Variants in PDGFD observed in about 807,000 individuals in gnomAD.
The protein encoded by PDGFD is platelet derived growth factor D.
PDGFD carries 30 observed loss-of-function variants against 44.7 expected under a neutral mutation model. The ratio of observed to expected loss-of-function variants is 0.67; its 90% CI spans 0.50 to 0.91. PDGFD has a LOEUF of 0.91. PDGFD is among the 40% of genes least tolerant of loss of function. The pLI, the probability that PDGFD is intolerant of heterozygous loss-of-function variation, is 0.00. For missense variants in PDGFD, 445 were observed against 457.8 expected, an observed-to-expected ratio of 0.97 and a Z score of 0.25; for synonymous variants, 173 against 168.4, an observed-to-expected ratio of 1.03 and a Z score of -0.21.
intron 6 of PDGFD, among the ~76,000 whole-genome samples, chr11:103,912,326 C>A (rs1045920724): frequency 6.6e-6 from 1 of 152,146 alleles, no homozygotes; most frequent in Non-Finnish European, 1.5e-5. Context: ...GCCAATATTC[C>A]ACATTCTTAA....
intron 1 of PDGFD, among the ~76,000 whole-genome samples, chr11:104,035,832 C>G (rs1042718761): frequency 6.6e-6 from 1 of 152,146 alleles, no homozygotes; most frequent in Non-Finnish European, 1.5e-5. Context: ...CTGGAAGATG[C>G]TCATCCTTCA....
At chr11:103,926,588 CTCTT>C (rs1858318910) in intron 6 of PDGFD, among the ~76,000 whole-genome samples, 1 of 152,146 alleles carries the variant, frequency 6.6e-6, no homozygotes. Context: ...CATCATATTT[CTCTT>C]TTTTTCTGTC....
In PDGFD at chr11:104,102,472, T is replaced by G. The variant is rs1861402443; in HGVS notation, c.124+61332A>C. Among the ~76,000 whole-genome samples, 4 of 152,300 alleles carry G rather than the reference T, an allele frequency of 2.6e-5. No homozygotes were observed. In the South Asian group the frequency reaches 8.3e-4, roughly 32 times the overall value. On this transcript the variant is annotated intron_variant, in intron 1 of 6. Coordinates refer to ENST00000393158, the MANE Select transcript of PDGFD (RefSeq NM_025208.5). ...TGGAGAAATAGGAACACTTTTACACTGTTGGTGGGACTGTAAACTAGTTCA... is the reference window on the plus strand; with the variant it reads ...TGGAGAAATAGGAACACTTTTACACGGTTGGTGGGACTGTAAACTAGTTCA...
At chr11:104,022,708 T>C (rs1859979712) in intron 1 of PDGFD, among the ~76,000 whole-genome samples, 1 of 150,044 alleles carries the variant, frequency 6.7e-6, no homozygotes, top group Non-Finnish European at 1.5e-5. Flanking sequence ...TATATATGTA[T>C]ATCTCAATAT....
At chr11:104,068,634 T>C (rs1024134481) in intron 1 of PDGFD, among the ~76,000 whole-genome samples, 1 of 152,214 alleles carries the variant, frequency 6.6e-6, no homozygotes, top group Non-Finnish European at 1.5e-5. Context: ...CCAATACTGA[T>C]TAATTCATTA....
At chr11:104,081,999 G>C (rs7935739) in intron 1 of PDGFD, among the ~76,000 whole-genome samples, 34,225 of 151,576 alleles carry the variant, frequency 0.23, 4,267 homozygotes, top group Non-Finnish European at 0.28. Context: ...AATAAATAAT[G>C]GACTTGGTGT....
intron 1 of PDGFD, among the ~76,000 whole-genome samples, chr11:104,052,257 C>A (rs1054997151): frequency 2.0e-5 from 3 of 152,094 alleles, no homozygotes; most frequent in Non-Finnish European, 4.4e-5. Flanking sequence ...TAAAGTATGA[C>A]AAGGACATTC....
chr11:104,119,626 ATAT>A (rs1387444913), intron 1 of PDGFD, among the ~76,000 whole-genome samples: 1 of 75,040 alleles, frequency 1.3e-5, no homozygotes, highest in Non-Finnish European at 2.3e-5. Flanking sequence ...ATTATGTATT[ATAT>A]TAATATATAA....
Position 104,037,302 on chromosome 11 carries a change from CAA to C in PDGFD, c.125-37049_125-37048del, listed in dbSNP as rs1860263523. 4 of 1,613,586 alleles carry C rather than the reference CAA, an allele frequency of 2.5e-6. No homozygotes were observed. In the African/African-American group the frequency reaches 4.0e-5, roughly 16 times the overall value. On this transcript the variant is annotated intron_variant, in intron 1 of 6. Transcript: ENST00000393158. ...CCAACCCCCACGATCTGTCCCTGCT[CAA>C]GGAACGCAACCCTCCCTTGGCGGAA...
intron 3 of PDGFD, among the ~76,000 whole-genome samples, chr11:103,951,126 T>C (rs971702586): frequency 6.6e-6 from 1 of 152,118 alleles, no homozygotes; most frequent in Admixed American, 6.5e-5. Flanking sequence ...TATCTTCTCT[T>C]AGCAATACAA....
intron 5 of PDGFD, among the ~76,000 whole-genome samples, chr11:103,940,894 T>C (rs1858573596): frequency 6.6e-6 from 1 of 152,168 alleles, no homozygotes; most frequent in Non-Finnish European, 1.5e-5. Context: ...TCACCTTGAA[T>C]GCTCTTGCAA....
At position 103,986,702 on chromosome 11, in the gene PDGFD, G is replaced by A. The variant is rs75461291; in HGVS notation, c.510+9363C>T. Among the ~76,000 whole-genome samples the A allele has an allele frequency of 1.1e-4, 17 of 152,252 alleles. No homozygotes were observed. In the East Asian group the frequency reaches 2.9e-3, roughly 26 times the overall value. On this transcript the variant is annotated intron_variant, in intron 3 of 6. Transcript: ENST00000393158. Reference sequence around the variant, plus strand: ...TTTAGTTTAACTAGGAAACAAAGACGGTAACAGCTCTTTCTCAAAACAAAC... The same window carrying A: ...TTTAGTTTAACTAGGAAACAAAGACAGTAACAGCTCTTTCTCAAAACAAAC...
chr11:104,050,771 T>C (rs555941611), intron 1 of PDGFD, among the ~76,000 whole-genome samples: 8 of 151,964 alleles, frequency 5.3e-5, no homozygotes, highest in Non-Finnish European at 1.2e-4. Flanking sequence ...CCCTCCCCCA[T>C]CTCCAGCAGC....
intron 1 of PDGFD, among the ~76,000 whole-genome samples, chr11:104,103,026 T>C (rs1440494712): frequency 3.3e-5 from 5 of 152,056 alleles, no homozygotes; most frequent in East Asian, 1.9e-4. Flanking sequence ...CATGTATACA[T>C]ATGTAACAAA....
At chr11:103,950,560 T>C (rs1858738238) in intron 3 of PDGFD, among the ~76,000 whole-genome samples, 1 of 65,374 alleles carries the variant, frequency 1.5e-5, no homozygotes, top group African/African-American at 1.0e-4. Flanking sequence ...CGAAACTCTG[T>C]CTCAAAAGAA....
chr11:104,119,110 TA>T (rs1430395113), intron 1 of PDGFD, among the ~76,000 whole-genome samples: 20 of 62,012 alleles, frequency 3.2e-4, no homozygotes, highest in African/African-American at 1.3e-3. Context: ...TATAATATAT[TA>T]ATATAATATA....
intron 1 of PDGFD, among the ~76,000 whole-genome samples, chr11:104,036,196 T>C (rs891442208): frequency 6.6e-6 from 1 of 152,088 alleles, no homozygotes; most frequent in African/African-American, 2.4e-5. Context: ...TCCAGCACTT[T>C]GGGAGGCCGA....
chr11:104,076,597 G>A lies in PDGFD; in HGVS notation c.125-76342C>T, dbSNP rs574800248. On this transcript the variant is annotated intron_variant, in intron 1 of 6. Transcript: ENST00000393158. ...CTTGAATCATACCTGAATCTCCCAG[G>A]AAGCTTTGAAAAAAAAATCAATCCA... 1.5e-4 allele frequency among the ~76,000 whole-genome samples: 23 copies of A among 151,974 alleles called. No homozygotes were observed. The South Asian group carries it at 1.7e-3, about 11-fold the overall frequency.
At chr11:103,998,690 A>C (rs1859574789) in intron 2 of PDGFD, among the ~76,000 whole-genome samples, 1 of 152,188 alleles carries the variant, frequency 6.6e-6, no homozygotes, top group Admixed American at 6.5e-5. Flanking sequence ...GGTTGATCAG[A>C]AGTAGGAGAG....
Sources: allele counts gnomAD v4.1 joint callset (sites outside exome capture counted in the v4.1 genomes callset), GRCh38; gene constraint gnomAD v4.1.1; transcripts MANE v1.5; gene names NCBI Gene and HGNC (gene_info 2026-07-23, HGNC 2026-07-21).